Variants in HEG1 observed in about 807,000 individuals in gnomAD.
HEG1 encodes the protein heart development protein with EGF like domains 1.
In HEG1, 56 loss-of-function variants were observed where a neutral mutation model predicts 125.6. The observed-to-expected ratio is 0.45, with a 90% CI of 0.36 to 0.56. The LOEUF (loss-of-function observed/expected upper bound fraction) is 0.56. Ranked by LOEUF, HEG1 falls within the 20% of genes least tolerant of loss-of-function variation. HEG1 has a pLI of 0.00. For synonymous variants in HEG1, 644 were observed against 668.5 expected (o/e 0.96, Z 0.57); for missense variants, 1,523 against 1,670.0 (o/e 0.91, Z 1.53).
chr3:125,014,668 T>C, intron 5 of HEG1: 1 of 1,197,822 alleles, frequency 8.3e-7, no homozygotes, highest in Non-Finnish European at 1.1e-6. Context: ...AATTAATAGA[T>C]GAGCTGAAGG....
In HEG1 at chr3:124,969,138, G is replaced by T. The variant is rs114926987; in HGVS notation, c.*1514C>A. 2.0e-5 allele frequency: 3 copies of T among 152,168 alleles called. No homozygotes were observed. The highest frequency in any genetic ancestry group is 1.9e-4 in the East Asian group (1 of 5,196). 9.4% of individuals were successfully genotyped at this position (152,168 alleles called of 1,614,324 possible). A position where few individuals can be genotyped will look rare whatever the true frequency, so the allele number is the denominator to read the frequency against. ...TGCACCATTTCCAGAAATGTGAAGCGGGACTCCCCGCTTCAGGGTGGAGAC... is the reference window on the plus strand; with the variant it reads ...TGCACCATTTCCAGAAATGTGAAGCTGGACTCCCCGCTTCAGGGTGGAGAC... On this transcript the variant is annotated 3_prime_UTR_variant, in exon 17 of 17. Coordinates refer to ENST00000311127, the MANE Select transcript of HEG1 (RefSeq NM_020733.2).
In HEG1 at chr3:125,010,454, C is replaced by A. The variant is rs1472838604; in HGVS notation, c.3058G>T (p.Asp1020Tyr). The A allele has an allele frequency of 1.9e-6, 3 of 1,553,880 alleles. No homozygotes were observed. The African/African-American group carries it at 4.1e-5, about 21-fold the overall frequency. The change falls in exon 7 of 17, where the codon GAT becomes TAT. Residue 1020 changes from aspartate (D) to tyrosine (Y), a missense_variant. Transcript: ENST00000311127. Reference sequence around the variant, plus strand: ...TTTCTCTTACCCACACTGCAATCATCCCCTTGCCAGGAAGGCGGGCACCTG... The same window carrying A: ...TTTCTCTTACCCACACTGCAATCATACCCTTGCCAGGAAGGCGGGCACCTG... ...HCRCPPSWQG[D>Y]DCSVDVNECL...
chr3:125,055,883 G>A lies in HEG1; in HGVS notation c.8C>T (p.Ser3Leu). 1 of 983,036 alleles carries A rather than the reference G, an allele frequency of 1.0e-6. No homozygotes were observed. Among genetic ancestry groups the A allele is most frequent in the Non-Finnish European group, 1.2e-6 (1 of 829,688 alleles). The allele number at this position is 983,036 out of a possible 1,614,324, so 60.9% of individuals were successfully genotyped here. MA[S>L]PRASRWPPPL... is the part of the protein sequence containing the mutation. ...CGGCGGCCACCGCGAGGCGCGCGGC[G>A]AGGCCATGGTGACGGCGCCCGCCCG... is the stretch of plus-strand genomic sequence containing the variant. Residue 3 changes from serine (S) to leucine (L), a missense_variant, in exon 1 of 17, where the codon TCG becomes TTG. Physicochemically the swap from Ser to Leu is moderately radical, Grantham distance 145 (BLOSUM62 -2). Coordinates refer to ENST00000311127, the MANE Select transcript of HEG1 (RefSeq NM_020733.2).
rs765854052 is a variant in HEG1 at position 125,013,819 on chromosome 3, TAAG to T, written c.1757_1759del (p.Ser586del). Reference sequence around the variant, plus strand: ...ATGTGAAGAGTTTGAGATTTTAATATAAGAAGTTGAGCTCTCCACAATGTCTGA... The same window carrying T: ...ATGTGAAGAGTTTGAGATTTTAATATAAGTTGAGCTCTCCACAATGTCTGA... On this transcript the variant is annotated inframe_deletion, in exon 6 of 17. Coordinates refer to ENST00000311127, the MANE Select transcript of HEG1 (RefSeq NM_020733.2). The T allele has an allele frequency of 3.1e-5, 50 of 1,613,752 alleles. No homozygotes were observed. Among genetic ancestry groups the T allele is most frequent in the Admixed American group, 2.2e-4 (13 of 59,980 alleles).
At chr3:125,014,709 C>A in intron 5 of HEG1, 1 of 1,257,334 alleles carries the variant, frequency 8.0e-7, no homozygotes, top group Admixed American at 2.5e-5. Context: ...GGAAGACACC[C>A]CACCTCCGAG....
At chr3:124,980,028 G>A (rs372914284) in intron 14 of HEG1, among the ~76,000 whole-genome samples, 14 of 152,324 alleles carry the variant, frequency 9.2e-5, no homozygotes, top group East Asian at 5.8e-4. Context: ...CCAAGCCACA[G>A]AATAAACACA....
intron 3 of HEG1, among the ~76,000 whole-genome samples, chr3:125,024,988 CAA>C (rs1261193127): frequency 6.6e-6 from 1 of 152,242 alleles, no homozygotes; most frequent in Non-Finnish European, 1.5e-5. Flanking sequence ...GTGGAGTGGC[CAA>C]GTGTTCACCT....
chr3:125,025,571 AT>A (rs1294685071), intron 3 of HEG1, among the ~76,000 whole-genome samples: 3 of 152,242 alleles, frequency 2.0e-5, no homozygotes, highest in Admixed American at 6.5e-5. Context: ...CGTGAAAAAA[AT>A]ATATAGGTGA....
chr3:124,981,365 T>C (rs1936649693), intron 14 of HEG1, among the ~76,000 whole-genome samples: 1 of 151,942 alleles, frequency 6.6e-6, no homozygotes, highest in Admixed American at 6.6e-5. Context: ...GTCAAGTTAA[T>C]ATAAACATTT....
chr3:125,002,040 C>T (rs1937008737), intron 10 of HEG1, 28 bp from the exon 11 acceptor site: 1 of 1,612,944 alleles, frequency 6.2e-7, no homozygotes, highest in African/African-American at 1.3e-5. Context: ...GGGTTTTTAA[C>T]AGCCCTGAAA....
Position 125,013,919 on chromosome 3 carries a change from G to T in HEG1, c.1660C>A (p.His554Asn), listed in dbSNP as rs1477173945. ...GTGAAAGTAGATGACAGGTAGGTGT[G>T]GTCTGTGTGGTCGCTGGAAGTCCTT... ...EQRTSSDHTD[H>N]TYLSSTFTKG... Residue 554 changes from histidine to asparagine, a missense_variant, in exon 6 of 17, where the codon CAC (histidine) becomes AAC (asparagine). His to Asn is a moderately conservative substitution (Grantham distance 68, BLOSUM62 1). Coordinates refer to ENST00000311127, the MANE Select transcript of HEG1 (RefSeq NM_020733.2). 2.5e-6 allele frequency: 4 copies of T among 1,612,570 alleles called. No homozygotes were observed. The highest frequency in any genetic ancestry group is 3.4e-6 in the Non-Finnish European group (4 of 1,179,378).
chr3:125,013,293 T>C lies in HEG1; in HGVS notation c.2286A>G (p.Thr762=). 1 of 1,613,972 alleles carries C rather than the reference T, an allele frequency of 6.2e-7. No homozygotes were observed. The highest frequency in any genetic ancestry group is 8.5e-7 in the Non-Finnish European group (1 of 1,179,886). Residue 762 remains threonine, a synonymous_variant, in exon 6 of 17, where the codon ACA becomes ACG. Coordinates refer to ENST00000311127, the MANE Select transcript of HEG1 (RefSeq NM_020733.2). ...ETPVTSFQTS[T]MTSFMTMLHS... ...GGAGCATTGTCATGAATGATGTCAT[T>C]GTTGATGTCTGAAATGAAGTCACAG...
At chr3:125,021,182 C>T (rs1369641877) in intron 3 of HEG1, 52 bp from the exon 4 acceptor site, 60 of 1,359,626 alleles carry the variant, frequency 4.4e-5, no homozygotes, top group East Asian at 7.5e-5. Context: ...TAAGAAAATC[C>T]GGACTATATT....
At chr3:124,989,350 T>G (rs1445758167) in intron 14 of HEG1, among the ~76,000 whole-genome samples, 1 of 152,208 alleles carries the variant, frequency 6.6e-6, no homozygotes, top group Non-Finnish European at 1.5e-5. Flanking sequence ...GGGGGCTTTT[T>G]TACACACATT....
At chr3:125,010,688 T>A in intron 6 of HEG1, 133 bp from the exon 7 acceptor site, 1 of 650,704 alleles carries the variant, frequency 1.5e-6, no homozygotes, top group Non-Finnish European at 2.6e-6. Context: ...AAAGGCCACA[T>A]TACAAAAGTA....
intron 1 of HEG1, among the ~76,000 whole-genome samples, chr3:125,048,877 G>T (rs536788073): frequency 5.3e-5 from 8 of 152,164 alleles, no homozygotes; most frequent in Admixed American, 6.5e-5. Context: ...AAAGAATCAC[G>T]GTAGTGGGTG....
At position 125,002,014 on chromosome 3, in the gene HEG1, T is replaced by C. The variant is rs1452960401; in HGVS notation, c.3357-2A>G. 3 of 1,613,844 alleles carry C rather than the reference T, an allele frequency of 1.9e-6. No homozygotes were observed. Among genetic ancestry groups the C allele is most frequent in the Non-Finnish European group, 2.5e-6 (3 of 1,179,834 alleles). On this transcript the variant is annotated splice_acceptor_variant, in intron 10 of 16. Transcript: ENST00000311127. LOFTEE classifies it high-confidence loss of function. Reference sequence around the variant, plus strand: ...GAGATCACCACCGCGTTGGACTCCCTATAGGCAAAGTTTGTGGGTTTTTAA... The same window carrying C: ...GAGATCACCACCGCGTTGGACTCCCCATAGGCAAAGTTTGTGGGTTTTTAA...
At chr3:125,029,905 C>T (rs769988597) in intron 1 of HEG1, among the ~76,000 whole-genome samples, 1 of 152,202 alleles carries the variant, frequency 6.6e-6, no homozygotes, top group Non-Finnish European at 1.5e-5. Context: ...AAAATAATAA[C>T]TTCACCTTTC....
At chr3:124,995,061 G>A (rs1936894773) in intron 12 of HEG1, among the ~76,000 whole-genome samples, 1 of 152,208 alleles carries the variant, frequency 6.6e-6, no homozygotes, top group African/African-American at 2.4e-5. Flanking sequence ...CACTTTGGGA[G>A]GCCGAAGTGG....
Sources: gnomAD v4.1 joint callset for allele counts (sites outside exome capture counted in the v4.1 genomes callset) on GRCh38, gnomAD v4.1.1 for gene constraint, MANE v1.5 for transcripts, NCBI Gene and HGNC (gene_info 2026-07-23, HGNC 2026-07-21) for gene names.